Variants in TRPM6 observed in about 807,000 individuals in gnomAD.
TRPM6 encodes transient receptor potential cation channel subfamily M member 6, also known as channel kinase 2.
A neutral mutation model predicts 247.6 loss-of-function variants in TRPM6; 111 were observed. The observed-to-expected ratio is 0.45, with a 90% CI of 0.38 to 0.52. TRPM6 has a LOEUF of 0.52. Among genes scored for constraint, TRPM6 ranks in the 20% least tolerant of loss-of-function variants. The pLI, the probability that TRPM6 is intolerant of heterozygous loss-of-function variation, is 0.00. For synonymous variants in TRPM6, 892 were observed against 853.8 expected (o/e 1.04, Z -0.78); for missense variants, 2,126 against 2,421.5 (o/e 0.88, Z 2.56).
chr9:74,828,034 TA>T, intron 6 of TRPM6, 85 bp from the exon 7 acceptor site: 1 of 1,389,866 alleles, frequency 7.2e-7, no homozygotes, highest in Non-Finnish European at 1.0e-6. Context: ...CTTTATGTGC[TA>T]AAAGAGTTCC....
rs554793827 is a variant in TRPM6 at position 74,735,656 on chromosome 9, T to C, written c.5776+2751A>G. Among the ~76,000 whole-genome samples, 49 of 152,294 alleles carry C rather than the reference T, an allele frequency of 3.2e-4. 1 individual carries two copies. In the South Asian group the frequency reaches 8.5e-3, roughly 26 times the overall value. ...TGCTATAAACCACTGTAATTTGAAA[T>C]ACAATTGTTTTTAATTCCTGTTGCT... On this transcript the variant is annotated intron_variant, in intron 36 of 38. Coordinates refer to ENST00000360774, the MANE Select transcript of TRPM6 (RefSeq NM_017662.5).
At chr9:74,776,162 G>T in intron 23 of TRPM6, 86 bp from the exon 24 acceptor site, 1 of 1,192,868 alleles carries the variant, frequency 8.4e-7, no homozygotes. Context: ...ATTTATGATT[G>T]GCTCACCTGA....
intron 9 of TRPM6, chr9:74,820,101 A>C (rs1316785563): frequency 3.3e-6 from 2 of 599,830 alleles, no homozygotes; most frequent in African/African-American, 3.7e-5. Context: ...TGCACCTATC[A>C]ACCCATCACT....
At chr9:74,867,095 A>G (rs568029183) in intron 1 of TRPM6, among the ~76,000 whole-genome samples, 4 of 152,270 alleles carry the variant, frequency 2.6e-5, no homozygotes, top group Admixed American at 2.6e-4. Flanking sequence ...TCTGCACTCA[A>G]TCCTTTGCAA....
intron 6 of TRPM6, among the ~76,000 whole-genome samples, chr9:74,828,346 C>T (rs951888395): frequency 2.6e-5 from 4 of 151,484 alleles, no homozygotes; most frequent in African/African-American, 9.7e-5. Flanking sequence ...AACGAGACTC[C>T]GTCTCAAAAA....
Position 74,803,885 on chromosome 9 carries a change from T to A in TRPM6, c.1640A>T (p.His547Leu). 6.2e-7 allele frequency: 1 copy of A among 1,608,926 alleles called. No individual in the cohort carries two copies. The highest frequency in any genetic ancestry group is 8.5e-7 in the Non-Finnish European group (1 of 1,175,332). Residue 547 changes from histidine to leucine, a missense_variant and splice_region_variant, in exon 15 of 39, where the codon CAC becomes CTC. This residue lies in a region of TRPM6 where 1,082 missense variants were observed against 1,307.9 expected (regional missense o/e 0.83). Coordinates refer to ENST00000360774, the MANE Select transcript of TRPM6 (RefSeq NM_017662.5). Reference sequence around the variant, plus strand: ...TCTATTTCCTGAGGAGTGTCTCTGGTGCTGGGAAAGGTTTTGAACAAAGCT... The same window carrying A: ...TCTATTTCCTGAGGAGTGTCTCTGGAGCTGGGAAAGGTTTTGAACAAAGCT... ...LYNNLYRKYK[H>L]QRHSSGNRNE...
intron 36 of TRPM6, among the ~76,000 whole-genome samples, chr9:74,736,798 G>A (rs1034808757): frequency 6.6e-6 from 1 of 152,112 alleles, no homozygotes; most frequent in African/African-American, 2.4e-5. Flanking sequence ...TTTCCCTCAA[G>A]ACTGTCAACG....
At chr9:74,753,573 A>G (rs1826335366) in intron 28 of TRPM6, among the ~76,000 whole-genome samples, 1 of 151,820 alleles carries the variant, frequency 6.6e-6, no homozygotes, top group South Asian at 2.1e-4. Flanking sequence ...GGCACATGCT[A>G]TAGTCCCAGC....
intron 3 of TRPM6, among the ~76,000 whole-genome samples, chr9:74,847,446 T>C (rs1019177833): frequency 2.0e-5 from 3 of 152,120 alleles, no homozygotes; most frequent in Admixed American, 2.0e-4. Context: ...TCTCCCAAAG[T>C]GCTGGGATTT....
At chr9:74,754,438 T>A (rs935857417) in intron 28 of TRPM6, among the ~76,000 whole-genome samples, 1 of 152,208 alleles carries the variant, frequency 6.6e-6, no homozygotes, top group African/African-American at 2.4e-5. Flanking sequence ...TTTAACAGCA[T>A]CCCTGGCCTC....
At chr9:74,733,425 T>C (rs2118704848) in intron 36 of TRPM6, among the ~76,000 whole-genome samples, 1 of 152,346 alleles carries the variant, frequency 6.6e-6, no homozygotes, top group African/African-American at 2.4e-5. Context: ...AATGATTGTT[T>C]TAGTGGTGTG....
At chr9:74,813,968 G>A (rs926721511) in intron 11 of TRPM6, among the ~76,000 whole-genome samples, 2 of 152,074 alleles carry the variant, frequency 1.3e-5, no homozygotes, top group Non-Finnish European at 2.9e-5. Flanking sequence ...GTGGTGGCAG[G>A]AACCTGTAAT....
intron 1 of TRPM6, among the ~76,000 whole-genome samples, chr9:74,859,042 A>G (rs1056994164): frequency 3.9e-5 from 6 of 152,198 alleles, no homozygotes; most frequent in African/African-American, 1.4e-4. Context: ...TAACTGATAT[A>G]TCCTCTTAAA....
At chr9:74,875,254 G>A (rs2118487013) in intron 1 of TRPM6, 1 of 455,392 alleles carries the variant, frequency 2.2e-6, no homozygotes, top group African/African-American at 2.0e-5. Context: ...CATTAAACTT[G>A]AAGGAGGGCT....
intron 31 of TRPM6, among the ~76,000 whole-genome samples, chr9:74,747,497 T>C (rs1352591069): frequency 6.6e-6 from 1 of 152,190 alleles, no homozygotes; most frequent in Non-Finnish European, 1.5e-5. Context: ...ATTTAGCCAT[T>C]TGGGGCCCCA....
chr9:74,866,683 G>A (rs1413217993), intron 1 of TRPM6, among the ~76,000 whole-genome samples: 3 of 152,200 alleles, frequency 2.0e-5, no homozygotes, highest in Non-Finnish European at 4.4e-5. Context: ...GTTTTACCAT[G>A]TTGGCCAGGC....
intron 5 of TRPM6, 38 bp from the exon 6 acceptor site, chr9:74,834,160 C>G (rs1829639141): frequency 6.2e-7 from 1 of 1,612,618 alleles, no homozygotes; most frequent in Admixed American, 1.7e-5. Context: ...CTTTAATTCA[C>G]AAATCGTGCA....
intron 17 of TRPM6, among the ~76,000 whole-genome samples, chr9:74,797,227 C>T (rs1828128796): frequency 6.6e-6 from 1 of 152,124 alleles, no homozygotes; most frequent in African/African-American, 2.4e-5. Flanking sequence ...ATTAAAAAGA[C>T]CAAGGCAATG....
intron 7 of TRPM6, among the ~76,000 whole-genome samples, chr9:74,822,337 C>T (rs1829158207): frequency 6.6e-6 from 1 of 152,042 alleles, no homozygotes; most frequent in Non-Finnish European, 1.5e-5. Flanking sequence ...GCAGCCTCGA[C>T]TTACCAGGCT....
Sources: allele counts gnomAD v4.1 joint callset (sites outside exome capture counted in the v4.1 genomes callset), GRCh38; gene constraint gnomAD v4.1.1; regional missense constraint gnomAD v4.1.1; transcripts MANE v1.5; gene names NCBI Gene and HGNC (gene_info 2026-07-23, HGNC 2026-07-21).